The following NOTCH2NLR variants were observed in gnomAD, a reference collection of about 807,000 sequenced individuals.
NOTCH2NLR encodes notch 2 N-terminal like R (pseudogene).
NOTCH2NLR carries 33 observed loss-of-function variants against 35.6 expected under a neutral mutation model. The ratio of observed to expected loss-of-function variants is 0.93; its 90% CI spans 0.70 to 1.24. The LOEUF is 1.24. Ranked by LOEUF, NOTCH2NLR falls within the 50% of genes most tolerant of loss-of-function variation. NOTCH2NLR has a pLI of 0.00. For missense variants in NOTCH2NLR, 276 were observed against 362.2 expected (o/e 0.76, Z 1.93); for synonymous variants, 103 against 141.0 (o/e 0.73, Z 1.91).
At chr1:120,745,134 CAAA>C (rs1287143211) in intron 1 of NOTCH2NLR, among the ~76,000 whole-genome samples, 1 of 82,298 alleles carries the variant, frequency 1.2e-5, no homozygotes, top group Non-Finnish European at 2.2e-5. Flanking sequence ...AAAAAAAAAA[CAAA>C]AAAAAAACAA....
At chr1:120,765,715 G>T (rs1413305455) in intron 2 of NOTCH2NLR, among the ~76,000 whole-genome samples, 2 of 113,604 alleles carry the variant, frequency 1.8e-5, no homozygotes, top group African/African-American at 8.2e-5. Flanking sequence ...CAGTAGGAAA[G>T]ACTTGGAACC....
chr1:120,724,280 C>T lies in NOTCH2NLR; in HGVS notation c.73+30C>T. On this transcript the variant is annotated intron_variant, in intron 1 of 4. Coordinates refer to ENST00000624419, the Ensembl canonical transcript of NOTCH2NLR. ...GTATCGGGCTGAGGGGCGCTGTCCG[C>T]GGCGCCCGGGGCTGCCACCTGGGGC... The T allele has an allele frequency of 5.8e-6, 8 of 1,377,896 alleles. 2 individuals are homozygous for T. Among genetic ancestry groups the T allele is most frequent in the South Asian group, 2.6e-5 (2 of 77,016 alleles). The allele number at this position is 1,377,896 out of a possible 1,614,324, so 85.4% of individuals were successfully genotyped here.
At chr1:120,770,828 A>T (rs1651255533) in intron 2 of NOTCH2NLR, among the ~76,000 whole-genome samples, 1 of 117,220 alleles carries the variant, frequency 8.5e-6, no homozygotes, top group African/African-American at 5.0e-5. Context: ...GAAGTGTGGA[A>T]CATTTGAAAG....
exon 3 of NOTCH2NLR, chr1:120,785,073 G>T: frequency 6.9e-7 from 1 of 1,446,100 alleles, no homozygotes; most frequent in Non-Finnish European, 9.2e-7. Context: ...AGGCCATGCT[G>T]GGGAAAGCCA....
rs1395180953 is a variant in NOTCH2NLR, at chr1:120,784,435, A to C, written c.156-539A>C. ...CTCCAGATATTCTTGCTGTTTCTCAAACACGCTAGGGCTGCTCTCTGTGTT... is the reference window on the plus strand; with the variant it reads ...CTCCAGATATTCTTGCTGTTTCTCACACACGCTAGGGCTGCTCTCTGTGTT... On this transcript the variant is annotated intron_variant, in intron 2 of 4. Coordinates refer to ENST00000624419, the Ensembl canonical transcript of NOTCH2NLR. 6.8e-5 allele frequency among the ~76,000 whole-genome samples: 8 copies of C among 116,990 alleles called. 2 individuals carry two copies. Among genetic ancestry groups the C allele is most frequent in the African/African-American group, 2.0e-4 (4 of 20,084 alleles). 76.7% of individuals were successfully genotyped at this position (116,990 alleles called of 152,430 possible). A position where few individuals can be genotyped will look rare whatever the true frequency, so the allele number is the denominator to read the frequency against.
Position 120,724,580 on chromosome 1 carries a change from G to A in NOTCH2NLR, c.73+330G>A, listed in dbSNP as rs1397764712. 1.7e-5 allele frequency among the ~76,000 whole-genome samples: 2 copies of A among 116,886 alleles called. 1 individual carries two copies. Among genetic ancestry groups the A allele is most frequent in the African/African-American group, 9.2e-5 (2 of 21,798 alleles). 76.7% of individuals were successfully genotyped at this position (116,886 alleles called of 152,430 possible). On this transcript the variant is annotated intron_variant, in intron 1 of 4. Transcript: ENST00000624419. ...GGGAGGTGGGCAGTTTTGCCCTTCA[G>A]GTTCCGCGTTTCTTGGGGTCGAGCG...
chr1:120,794,381 G>C (rs1651533686), downstream of NOTCH2NLR, among the ~76,000 whole-genome samples: 1 of 112,818 alleles, frequency 8.9e-6, no homozygotes, highest in Non-Finnish European at 1.7e-5. Flanking sequence ...AGCTGAAGCA[G>C]ATGAATTACT....
intron 1 of NOTCH2NLR, among the ~76,000 whole-genome samples, chr1:120,745,650 G>A (rs1227616607): frequency 3.8e-5 from 3 of 78,630 alleles, no homozygotes; most frequent in Non-Finnish European, 6.7e-5. Context: ...CCGTCTCTAC[G>A]GAAAAAAATG....
chr1:120,790,352 A>G lies in NOTCH2NLR; in HGVS notation c.416-2809A>G, dbSNP rs1219806005. On this transcript the variant is annotated intron_variant, in intron 3 of 4. Coordinates refer to ENST00000624419, the Ensembl canonical transcript of NOTCH2NLR. ...TTTTATACATATGCTATTTTTGTCT[A>G]TCACTTTAGGAATCATCACAGATCA... Among the ~76,000 whole-genome samples the G allele has an allele frequency of 1.8e-5, 2 of 113,320 alleles. 1 individual carries two copies. The highest frequency in any genetic ancestry group is 1.1e-4 in the African/African-American group (2 of 18,650). The allele number at this position is 113,320 out of a possible 152,430, so 74.3% of individuals were successfully genotyped here. A position where few individuals can be genotyped will look rare whatever the true frequency, so the allele number is the denominator to read the frequency against.
chr1:120,752,550 ATATATTTTTTT>A (rs1340383328), intron 1 of NOTCH2NLR, among the ~76,000 whole-genome samples: 3 of 9,858 alleles, frequency 3.0e-4, no homozygotes, highest in African/African-American at 1.8e-3. Flanking sequence ...ATATATATAT[ATATATTTTTTT>A]TTTTTTTTTT....
At chr1:120,794,291 T>C (rs1348441086), downstream of NOTCH2NLR, among the ~76,000 whole-genome samples, 353 of 109,788 alleles carry the variant, frequency 3.2e-3, 59 homozygotes, top group East Asian at 0.064. Context: ...AGGAACAAGC[T>C]TGGCCAATTC....
At chr1:120,768,676 C>G (rs1294971501) in intron 2 of NOTCH2NLR, among the ~76,000 whole-genome samples, 2 of 100,004 alleles carry the variant, frequency 2.0e-5, no homozygotes, top group East Asian at 4.7e-4. Flanking sequence ...AGGCTTATAT[C>G]CCTTCTAGTT....
intron 3 of NOTCH2NLR, among the ~76,000 whole-genome samples, chr1:120,790,513 A>T (rs2101465718): frequency 8.9e-6 from 1 of 112,422 alleles, no homozygotes; most frequent in Admixed American, 8.5e-5. Context: ...TTCAGGGTTG[A>T]TTCTTTCTTT....
Position 120,724,137 on chromosome 1 carries a change from C to T in NOTCH2NLR, c.-41C>T. 5.1e-6 allele frequency: 7 copies of T among 1,361,868 alleles called. 2 individuals carry two copies. Among genetic ancestry groups the T allele is most frequent in the Non-Finnish European group, 6.7e-6 (7 of 1,049,178 alleles). The allele number at this position is 1,361,868 out of a possible 1,614,324, so 84.4% of individuals were successfully genotyped here. On this transcript the variant is annotated 5_prime_UTR_variant, in exon 1 of 5. Transcript: ENST00000624419. Reference sequence around the variant, plus strand: ...CCATGTGGATCTGCCCAGGCGGCGGCGGCGGCGGCGGCGGAGGAGGAGGAG... The same window carrying T: ...CCATGTGGATCTGCCCAGGCGGCGGTGGCGGCGGCGGCGGAGGAGGAGGAG...
At position 120,793,402 on chromosome 1, in the gene NOTCH2NLR, C is replaced by T. The variant is rs1651515955; in HGVS notation, c.657C>T (p.Asp219=). The T allele has an allele frequency of 2.8e-6, 4 of 1,440,084 alleles. 1 individual carries two copies. Among genetic ancestry groups the T allele is most frequent in the Non-Finnish European group, 3.7e-6 (4 of 1,077,390 alleles). 89.2% of individuals were successfully genotyped at this position (1,440,084 alleles called of 1,614,324 possible). A position where few individuals can be genotyped will look rare whatever the true frequency, so the allele number is the denominator to read the frequency against. ...AGGGCTTCACAGGCCAGTACTGTGA[C>T]AGACTGTATGTGCCCTGTGCACACT... The change falls in exon 4 of 5, where the codon GAC becomes GAT. Residue 219 remains aspartate (D), a synonymous_variant. Coordinates refer to ENST00000624419, the Ensembl canonical transcript of NOTCH2NLR.
At position 120,763,722 on chromosome 1, in the gene NOTCH2NLR, C is replaced by T; in HGVS notation, c.155+13C>T. 1.7e-6 allele frequency: 2 copies of T among 1,195,574 alleles called. 1 individual carries two copies. Among genetic ancestry groups the T allele is most frequent in the South Asian group, 2.6e-5 (2 of 78,072 alleles). The allele number at this position is 1,195,574 out of a possible 1,614,324, so 74.1% of individuals were successfully genotyped here. On this transcript the variant is annotated intron_variant, in intron 2 of 4. Transcript: ENST00000624419. The stretch of plus-strand genomic sequence containing the variant: ...CAGGATACTGCAAGTAAGTTTTTCT[C>T]TTCATATATTTTCTTTTTGCGATAG...
chr1:120,793,429 G>C, exon 4 of NOTCH2NLR: 1 of 1,442,526 alleles, frequency 6.9e-7, no homozygotes, highest in Non-Finnish European at 9.3e-7. Context: ...GTGCACACTC[G>C]CCTTGTGTCA....
intron 3 of NOTCH2NLR, among the ~76,000 whole-genome samples, chr1:120,790,714 C>T (rs1209534582): frequency 9.0e-6 from 1 of 111,240 alleles, no homozygotes; most frequent in Non-Finnish European, 1.7e-5. Flanking sequence ...ATTCTTGTGC[C>T]TCAGCCTCCC....
chr1:120,778,472 A>G (rs2101439312), intron 2 of NOTCH2NLR, among the ~76,000 whole-genome samples: 1 of 106,480 alleles, frequency 9.4e-6, no homozygotes, highest in South Asian at 2.7e-4. Flanking sequence ...TTCGTTCCAC[A>G]TTCTGTATAG....
Sources: gnomAD v4.1 joint callset for allele counts (sites outside exome capture counted in the v4.1 genomes callset) on GRCh38, gnomAD v4.1.1 for gene constraint, MANE v1.5 for transcripts, NCBI Gene and HGNC (gene_info 2026-07-23, HGNC 2026-07-21) for gene names.